The following FAM220A variants were observed in gnomAD, a reference collection of about 807,000 sequenced individuals.
FAM220A encodes protein FAM220A.
For missense variants in FAM220A, 392 were observed against 321.6 expected (o/e 1.22, Z -1.68); for synonymous variants, 141 against 130.7 (o/e 1.08, Z -0.54).
At position 6,348,870 on chromosome 7, in the gene FAM220A, C is replaced by A. The variant is rs1274741667; in HGVS notation, c.-379G>T. The stretch of plus-strand genomic sequence containing the variant: ...GGAGCGAAGGAGGCGGCGGCTAGAC[C>A]GGCGGGCGGGCGGGCCGCAGTGGAG... On this transcript the variant is annotated 5_prime_UTR_variant, in exon 1 of 2. Coordinates refer to ENST00000313324, the MANE Select transcript of FAM220A (RefSeq NM_001037163.2). 5.2e-6 allele frequency: 2 copies of A among 387,910 alleles called. No homozygotes were observed. The highest frequency in any genetic ancestry group is 4.6e-5 in the Admixed American group (1 of 21,880). The allele number at this position is 387,910 out of a possible 1,614,324, so 24.0% of individuals were successfully genotyped here.
At chr7:6,345,919 C>A (rs1253915315) in intron 1 of FAM220A, among the ~76,000 whole-genome samples, 1 of 151,928 alleles carries the variant, frequency 6.6e-6, no homozygotes, top group East Asian at 1.9e-4. Flanking sequence ...CAGGCGTGCA[C>A]CATCACACCT....
intron 1 of FAM220A, among the ~76,000 whole-genome samples, chr7:6,346,963 G>A (rs922493691): frequency 6.6e-5 from 10 of 152,272 alleles, no homozygotes; most frequent in South Asian, 2.1e-4. Context: ...GAATGCAAGA[G>A]GGGCTCAGGA....
chr7:6,346,493 A>T (rs1781952919), intron 1 of FAM220A, among the ~76,000 whole-genome samples: 1 of 152,096 alleles, frequency 6.6e-6, no homozygotes, highest in Non-Finnish European at 1.5e-5. Context: ...CAGCCCCACA[A>T]GCAGCTGGGA....
Position 6,330,095 on chromosome 7 carries a change from C to G in FAM220A, c.*280G>C. 2.6e-6 allele frequency: 1 copy of G among 383,498 alleles called. No homozygotes were observed. Among genetic ancestry groups the G allele is most frequent in the East Asian group, 5.8e-5 (1 of 17,282 alleles). The allele number at this position is 383,498 out of a possible 1,614,324, so 23.8% of individuals were successfully genotyped here. A position where few individuals can be genotyped will look rare whatever the true frequency, so the allele number is the denominator to read the frequency against. On this transcript the variant is annotated 3_prime_UTR_variant, in exon 2 of 2. Transcript: ENST00000313324. ...TGAAGACAGAACTTCATGGTAAATC[C>G]GTATGTTCTAATCTGGTATTTATAC...
chr7:6,343,902 T>C (rs1781910326), intron 1 of FAM220A, among the ~76,000 whole-genome samples: 2 of 152,122 alleles, frequency 1.3e-5, no homozygotes, highest in South Asian at 4.1e-4. Flanking sequence ...GGTATGGCTT[T>C]TTCTTTTTAG....
intron 1 of FAM220A, among the ~76,000 whole-genome samples, chr7:6,333,337 G>A (rs890950825): frequency 1.3e-5 from 2 of 152,064 alleles, no homozygotes; most frequent in South Asian, 2.1e-4. Flanking sequence ...AGGACAGGAT[G>A]GCTGGATTTG....
chr7:6,332,653 G>A (rs1049652532), intron 1 of FAM220A, among the ~76,000 whole-genome samples: 9 of 151,834 alleles, frequency 5.9e-5, no homozygotes, highest in East Asian at 1.9e-4. Context: ...AGCTGAGATC[G>A]AGTCACTCTG....
At chr7:6,333,268 G>A (rs533727731) in intron 1 of FAM220A, among the ~76,000 whole-genome samples, 1 of 152,050 alleles carries the variant, frequency 6.6e-6, no homozygotes, top group Non-Finnish European at 1.5e-5. Flanking sequence ...TTTAGAGAAA[G>A]AGACCTCGGG....
Position 6,330,739 on chromosome 7 carries a change from T to C in FAM220A, c.416A>G (p.Asp139Gly), listed in dbSNP as rs371965230. The change falls in exon 2 of 2, where the codon GAC (aspartate) becomes GGC (glycine). Residue 139 changes from aspartate to glycine, a missense_variant. Transcript: ENST00000313324. ...TTTGGGGCACTGTCCTCTGTGGCCGTCAGTGGCCCTGGGCCCTCCTCCCAG... is the reference window on the plus strand; with the variant it reads ...TTTGGGGCACTGTCCTCTGTGGCCGCCAGTGGCCCTGGGCCCTCCTCCCAG... Reference protein sequence around the residue: ...DWLGGGPRATDGHRGQCPKGE... With the variant: ...DWLGGGPRATGGHRGQCPKGE... The C allele has an allele frequency of 1.2e-5, 19 of 1,613,986 alleles. No homozygotes were observed. The highest frequency in any genetic ancestry group is 1.5e-5 in the Non-Finnish European group (18 of 1,180,012).
At chr7:6,338,966 G>A (rs1258355391) in intron 1 of FAM220A, among the ~76,000 whole-genome samples, 2 of 152,146 alleles carry the variant, frequency 1.3e-5, no homozygotes, top group Non-Finnish European at 2.9e-5. Context: ...ACACCCCTCA[G>A]GTGTGAACGC....
chr7:6,348,236 G>GA (rs1554260858), intron 1 of FAM220A, among the ~76,000 whole-genome samples: 1 of 151,088 alleles, frequency 6.6e-6, no homozygotes, highest in African/African-American at 2.4e-5. Context: ...AAAATAAGGG[G>GA]GGGGGTTGCA....
intron 1 of FAM220A, among the ~76,000 whole-genome samples, chr7:6,339,045 G>A (rs536605767): frequency 6.6e-5 from 10 of 152,162 alleles, no homozygotes; most frequent in East Asian, 1.9e-4. Context: ...ACAAACCCCC[G>A]GATTTCCACA....
chr7:6,331,259 G>C, intron 1 of FAM220A, 24 bp from the exon 2 acceptor site: 1 of 1,193,308 alleles, frequency 8.4e-7, no homozygotes, highest in Non-Finnish European at 1.2e-6. Context: ...TCAAATTAAA[G>C]TTCTAAAATG....
intron 1 of FAM220A, chr7:6,342,093 C>G (rs1300921634): frequency 6.6e-6 from 1 of 152,054 alleles, no homozygotes; most frequent in Middle Eastern, 3.2e-3. Context: ...AAGAACCTAC[C>G]CTACGCCAGG....
chr7:6,343,205 C>T (rs566600962), intron 1 of FAM220A, among the ~76,000 whole-genome samples: 3 of 150,724 alleles, frequency 2.0e-5, no homozygotes, highest in African/African-American at 4.9e-5. Flanking sequence ...GGTGAAGCCC[C>T]GTCTCTACTA....
intron 1 of FAM220A, among the ~76,000 whole-genome samples, chr7:6,332,072 A>G (rs1290392471): frequency 1.3e-5 from 2 of 149,888 alleles, no homozygotes; most frequent in African/African-American, 4.9e-5. Flanking sequence ...AGATCATGCC[A>G]CTGCACTCCA....
intron 1 of FAM220A, among the ~76,000 whole-genome samples, chr7:6,336,722 C>T (rs1052690445): frequency 3.6e-4 from 54 of 151,664 alleles, no homozygotes; most frequent in Non-Finnish European, 3.1e-4. Context: ...GGCACAGTCA[C>T]GGCTCACTGC....
In FAM220A at chr7:6,330,646, T is replaced by A; in HGVS notation, c.509A>T (p.Asp170Val). ...ACCCTTGGGAAAAGCACTTGGTGGG[T>A]CATCCTGAAAACTTCCCATTTCCGG... is the stretch of plus-strand genomic sequence containing the variant. ...KVPEMGSFQD[D>V]PPSAFPKGLG... Residue 170 changes from aspartate (D) to valine (V), a missense_variant, in exon 2 of 2, where the codon GAC (aspartate) becomes GTC (valine). Asp to Val is a radical substitution (Grantham distance 152). Coordinates refer to ENST00000313324, the MANE Select transcript of FAM220A (RefSeq NM_001037163.2). 1 of 1,614,050 alleles carries A rather than the reference T, an allele frequency of 6.2e-7. No homozygotes were observed. Among genetic ancestry groups the A allele is most frequent in the Non-Finnish European group, 8.5e-7 (1 of 1,180,002 alleles).
At chr7:6,346,969 C>T (rs1041373332) in intron 1 of FAM220A, among the ~76,000 whole-genome samples, 6 of 152,152 alleles carry the variant, frequency 3.9e-5, no homozygotes, top group African/African-American at 9.7e-5. Flanking sequence ...AAGAGGGGCT[C>T]AGGACTTGGC....
Sources: gnomAD v4.1 joint callset for allele counts (sites outside exome capture counted in the v4.1 genomes callset) on GRCh38, gnomAD v4.1.1 for gene constraint, MANE v1.5 for transcripts, NCBI Gene and HGNC (gene_info 2026-07-23, HGNC 2026-07-21) for gene names.